The following PCDHGA6 variants were observed in gnomAD, a reference collection of about 807,000 sequenced individuals.
The protein encoded by PCDHGA6 is protocadherin gamma subfamily A, 6, also known as protocadherin gamma-A6.
PCDHGA6 carries 41 observed loss-of-function variants against 60.6 expected under a neutral mutation model. The observed-to-expected ratio is 0.68, with a 90% CI of 0.53 to 0.88. The LOEUF is 0.88. PCDHGA6 is among the 40% of genes least tolerant of loss of function. The pLI, the probability that PCDHGA6 is intolerant of heterozygous loss-of-function variation, is 0.00. For synonymous variants in PCDHGA6, 594 were observed against 524.4 expected, an observed-to-expected ratio of 1.13 and a Z score of -1.81; for missense variants, 1,312 against 1,203.0, an observed-to-expected ratio of 1.09 and a Z score of -1.34.
At position 141,477,550 on chromosome 5, in the gene PCDHGA6, C is replaced by T. The variant is rs1262360790; in HGVS notation, c.2425-17257C>T. The T allele has an allele frequency of 4.3e-6, 7 of 1,614,178 alleles. No homozygotes were observed. The highest frequency in any genetic ancestry group is 5.9e-6 in the Non-Finnish European group (7 of 1,180,036). On this transcript the variant is annotated intron_variant, in intron 1 of 3. Transcript: ENST00000517434. This position sits in a 1 kb window ranked among gnomAD's most constrained non-coding sequence, Gnocchi z 4.9. ...ACCTCCCCGGGGCTCCAATACTAAACCTAAGTGTCTGGGACCCCGACGCCC... is the reference window on the plus strand; with the variant it reads ...ACCTCCCCGGGGCTCCAATACTAAATCTAAGTGTCTGGGACCCCGACGCCC...
intron 1 of PCDHGA6, chr5:141,385,132 G>C (rs763210124): frequency 1.2e-6 from 2 of 1,614,094 alleles, no homozygotes; most frequent in African/African-American, 1.3e-5. Flanking sequence ...GGGCATGGAC[G>C]GGGTGCAGGC....
chr5:141,380,379 A>G (rs1484471466), intron 1 of PCDHGA6, among the ~76,000 whole-genome samples: 1 of 152,244 alleles, frequency 6.6e-6, no homozygotes, highest in Non-Finnish European at 1.5e-5. Context: ...AGTCCCAAAA[A>G]AGAAAAGAGA....
chr5:141,375,766 G>C lies in PCDHGA6; in HGVS notation c.1683G>C (p.Glu561Asp), dbSNP rs754916018. The C allele has an allele frequency of 4.3e-6, 7 of 1,614,270 alleles. No homozygotes were observed. In the South Asian group the frequency reaches 7.7e-5, roughly 18 times the overall value. Residue 561 changes from glutamate (E) to aspartate (D), a missense_variant, in exon 1 of 4, where the codon GAG becomes GAC. By Grantham distance (45) the Glu-to-Asp change is conservative. Coordinates refer to ENST00000517434, the MANE Select transcript of PCDHGA6 (RefSeq NM_018919.3). ...TGGACCAGAATGACAATGCGCCCGA[G>C]ATCCTGTACCCCGCCCTCCCCACAG... ...FVLDQNDNAP[E>D]ILYPALPTDG...
rs537684458 is a variant in PCDHGA6, at chr5:141,431,679, T to G, written c.2424+55172T>G. The G allele has an allele frequency of 1.5e-5, 24 of 1,614,222 alleles. No individual in the cohort carries two copies. The highest frequency in any genetic ancestry group is 3.3e-5 in the Admixed American group (2 of 60,028). On this transcript the variant is annotated intron_variant, in intron 1 of 3. Coordinates refer to ENST00000517434, the MANE Select transcript of PCDHGA6 (RefSeq NM_018919.3). The surrounding 1 kb of genome is among the most constrained non-coding windows in gnomAD (Gnocchi z 4.8). ...GGGACAATATCAACAATAGGGGAGT[T>G]GGACCACGAGGAGTCAGGATTCTAC...
Position 141,491,103 on chromosome 5 carries a change from G to T in PCDHGA6, c.2425-3704G>T, listed in dbSNP as rs1190609518. The T allele has an allele frequency of 6.2e-7, 1 of 1,614,162 alleles. No individual in the cohort carries two copies. ...CCACAGCCCCAGGACTGTTCCTCGT[G>T]TCTACACACACTGGTGAGGTGCGCA... On this transcript the variant is annotated intron_variant, in intron 1 of 3. Coordinates refer to ENST00000517434, the MANE Select transcript of PCDHGA6 (RefSeq NM_018919.3). The surrounding 1 kb of genome is among the most constrained non-coding windows in gnomAD (Gnocchi z 6.9).
At chr5:141,449,876 C>T (rs924666805) in intron 1 of PCDHGA6, among the ~76,000 whole-genome samples, 1 of 151,724 alleles carries the variant, frequency 6.6e-6, no homozygotes, top group African/African-American at 2.4e-5. Context: ...AATTTAACAT[C>T]AATGCAATAT....
chr5:141,384,370 T>G (rs769961814), intron 1 of PCDHGA6: 1 of 1,613,926 alleles, frequency 6.2e-7, no homozygotes, highest in South Asian at 1.1e-5. Context: ...CACTTATTCC[T>G]TGGCCGAAGA....
intron 1 of PCDHGA6, among the ~76,000 whole-genome samples, chr5:141,434,129 G>T (rs1242855904): frequency 6.6e-6 from 1 of 152,092 alleles, no homozygotes; most frequent in East Asian, 1.9e-4. Flanking sequence ...CTCCCTTTAG[G>T]CTGATTTCTA....
At chr5:141,382,989 T>C (rs1377336206) in intron 1 of PCDHGA6, 5 of 1,613,356 alleles carry the variant, frequency 3.1e-6, no homozygotes, top group East Asian at 2.2e-5. Context: ...GGGCAGGACG[T>C]ATTCTCTACT....
At chr5:141,395,447 G>T in intron 1 of PCDHGA6, 1 of 645,040 alleles carries the variant, frequency 1.6e-6, no homozygotes, top group South Asian at 2.4e-5. Context: ...GGAAAAGATT[G>T]TTCAACCATT....
At chr5:141,450,829 A>T (rs187691791) in intron 1 of PCDHGA6, among the ~76,000 whole-genome samples, 19,077 of 135,014 alleles carry the variant, frequency 0.14, 1,595 homozygotes, top group African/African-American at 0.24. Context: ...TATTATTATT[A>T]TTTTTTTTTT....
Position 141,375,601 on chromosome 5 carries a change from CAT to C in PCDHGA6, c.1519_1520del (p.Ile507GlnfsTer16). 4 of 1,614,206 alleles carry C rather than the reference CAT, an allele frequency of 2.5e-6. No homozygotes were observed. The highest frequency in any genetic ancestry group is 3.4e-6 in the Non-Finnish European group (4 of 1,180,030). ...GGGCGCCCCTGTCCTCCTACGTGTC[CAT>C]CAACTCCGACACTGGGATTCTGTAC... ...QGAPLSSYVS[I>X]NSDTGILYAL... On this transcript the variant is annotated frameshift_variant, in exon 1 of 4. Transcript: ENST00000517434. LOFTEE classifies it high-confidence loss of function.
chr5:141,438,165 G>GA (rs1252266607), intron 1 of PCDHGA6, among the ~76,000 whole-genome samples: 2 of 152,076 alleles, frequency 1.3e-5, no homozygotes, highest in East Asian at 3.8e-4. Flanking sequence ...AAGCTAATTG[G>GA]AAAAAATATT....
chr5:141,468,443 G>A (rs760789357), intron 1 of PCDHGA6: 6 of 152,124 alleles, frequency 3.9e-5, no homozygotes, highest in Non-Finnish European at 8.8e-5. Context: ...AAATGTGGGT[G>A]CAAAATTAAA....
In PCDHGA6 at chr5:141,399,480, G is replaced by T. The variant is rs760135566; in HGVS notation, c.2424+22973G>T. ...ATAACGCTCCGGTTTTCCACCAGGC[G>T]TCCTACTTAGTCAGTGTACCCGAAA... On this transcript the variant is annotated intron_variant, in intron 1 of 3. Coordinates refer to ENST00000517434, the MANE Select transcript of PCDHGA6 (RefSeq NM_018919.3). The T allele has an allele frequency of 1.9e-5, 31 of 1,613,886 alleles. No homozygotes were observed. In the South Asian group the frequency reaches 3.2e-4, roughly 17 times the overall value.
At chr5:141,414,102 A>G in intron 1 of PCDHGA6, 1 of 1,593,854 alleles carries the variant, frequency 6.3e-7, no homozygotes, top group Non-Finnish European at 8.5e-7. Context: ...AAATATCAGA[A>G]AATCTAGATT....
intron 1 of PCDHGA6, chr5:141,421,801 A>G (rs754191783): frequency 6.2e-7 from 1 of 1,613,858 alleles, no homozygotes; most frequent in Middle Eastern, 1.6e-4. Flanking sequence ...TGGGGCCAAG[A>G]ATCCAGAGCT....
intron 1 of PCDHGA6, chr5:141,410,849 CTTTT>C (rs759346998): frequency 4.9e-3 from 673 of 137,520 alleles, no homozygotes; most frequent in South Asian, 8.7e-3. Flanking sequence ...TTGTCTTTGT[CTTTT>C]TTTTTTTTTT....
At chr5:141,460,034 C>T (rs1463167810) in intron 1 of PCDHGA6, among the ~76,000 whole-genome samples, 1 of 152,116 alleles carries the variant, frequency 6.6e-6, no homozygotes, top group African/African-American at 2.4e-5. Context: ...GCCGAGACTG[C>T]ACCACTGCAC....
Sources: gnomAD v4.1 joint callset for allele counts (sites outside exome capture counted in the v4.1 genomes callset) on GRCh38, gnomAD v4.1.1 for gene constraint, Gnocchi (gnomAD v3.1) non-coding constraint, MANE v1.5 for transcripts, NCBI Gene and HGNC (gene_info 2026-07-23, HGNC 2026-07-21) for gene names.